The following QTGAL variants were observed in gnomAD, a reference collection of about 807,000 sequenced individuals.
The protein encoded by QTGAL is BGnT-like protein 1.
At chr17:83,038,817 C>T in the QTGAL span, among the ~76,000 whole-genome samples, 1 of 151,526 alleles carries the variant, frequency 6.6e-6, no homozygotes, top group Non-Finnish European at 1.5e-5. Flanking sequence ...CGAGATCGCG[C>T]CACCGCACTC....
the QTGAL span, among the ~76,000 whole-genome samples, chr17:83,019,423 A>C: frequency 1.3e-5 from 2 of 152,272 alleles, no homozygotes; most frequent in Non-Finnish European, 2.9e-5. Flanking sequence ...AAAAAACTAA[A>C]AGATATAAGA....
At chr17:82,992,939 G>T in the QTGAL span, among the ~76,000 whole-genome samples, 1 of 151,736 alleles carries the variant, frequency 6.6e-6, no homozygotes, top group Non-Finnish European at 1.5e-5. Context: ...TAAGCCTGGT[G>T]GTAACCTCAA....
chr17:83,050,408 C>G, the QTGAL span, among the ~76,000 whole-genome samples: 3 of 151,916 alleles, frequency 2.0e-5, no homozygotes, highest in Non-Finnish European at 4.4e-5. Flanking sequence ...AACGAGTTCC[C>G]TAATTTATTT....
the QTGAL span, chr17:82,956,911 T>C: frequency 2.8e-6 from 3 of 1,078,710 alleles, no homozygotes; most frequent in Admixed American, 2.0e-5. This position sits in a 1 kb window ranked among gnomAD's most constrained non-coding sequence, Gnocchi z 5.7. Context: ...GGTCACAGAC[T>C]GCGGCAGGTG....
chr17:82,960,720 C>T, the QTGAL span, among the ~76,000 whole-genome samples: 6 of 152,348 alleles, frequency 3.9e-5, no homozygotes, highest in East Asian at 1.9e-4. Flanking sequence ...CTGTGGTCCC[C>T]GCCGGACCCC....
the QTGAL span, among the ~76,000 whole-genome samples, chr17:82,996,791 G>A: frequency 6.6e-6 from 1 of 152,118 alleles, no homozygotes; most frequent in Non-Finnish European, 1.5e-5. Flanking sequence ...AACTTACATT[G>A]GGGAAGAGAT....
the QTGAL span, among the ~76,000 whole-genome samples, chr17:82,973,835 T>C: frequency 6.6e-6 from 1 of 152,154 alleles, no homozygotes; most frequent in Non-Finnish European, 1.5e-5. Flanking sequence ...TCTCAGGCAG[T>C]GGCCCCACAA....
the QTGAL span, chr17:83,005,937 A>C: frequency 8.1e-7 from 1 of 1,239,152 alleles, no homozygotes; most frequent in South Asian, 2.5e-5. This position sits in a 1 kb window ranked among gnomAD's most constrained non-coding sequence, Gnocchi z 5.6. Context: ...TCTGCTCCTG[A>C]GATCCAGAGG....
the QTGAL span, among the ~76,000 whole-genome samples, chr17:82,977,442 C>T: frequency 1.3e-5 from 2 of 151,934 alleles, no homozygotes; most frequent in Non-Finnish European, 2.9e-5. Flanking sequence ...GGGTGAGTAC[C>T]GTTATGTGAC....
At chr17:82,979,539 AT>A in the QTGAL span, 1 of 152,234 alleles carries the variant, frequency 6.6e-6, no homozygotes, top group East Asian at 1.9e-4. Flanking sequence ...CCTAAAACAA[AT>A]ACTTAGGTAT....
At chr17:83,013,248 C>G in the QTGAL span, among the ~76,000 whole-genome samples, 2 of 151,610 alleles carry the variant, frequency 1.3e-5, no homozygotes, top group African/African-American at 4.8e-5. Flanking sequence ...AAGGAGGCAA[C>G]CGTGTGGGGC....
At chr17:83,031,511 G>A in the QTGAL span, among the ~76,000 whole-genome samples, 1 of 152,260 alleles carries the variant, frequency 6.6e-6, no homozygotes, top group Admixed American at 6.5e-5. Context: ...CAGGACTGGC[G>A]CCACGTTTAG....
the QTGAL span, among the ~76,000 whole-genome samples, chr17:82,970,581 C>A: frequency 0.018 from 2,180 of 122,268 alleles, 289 homozygotes; most frequent in African/African-American, 0.062. Context: ...CCCGGCGTGG[C>A]CGCGACCTCC....
chr17:83,017,768 G>A, the QTGAL span, among the ~76,000 whole-genome samples: 2 of 151,910 alleles, frequency 1.3e-5, no homozygotes, highest in Admixed American at 6.6e-5. Flanking sequence ...CGTGAACATG[G>A]TGCGCCTGTA....
the QTGAL span, among the ~76,000 whole-genome samples, chr17:83,043,331 C>T: frequency 1.3e-5 from 2 of 152,084 alleles, no homozygotes; most frequent in Non-Finnish European, 2.9e-5. Context: ...TCTTCTCTGA[C>T]CACAGTGAAA....
the QTGAL span, among the ~76,000 whole-genome samples, chr17:82,965,343 C>T: frequency 2.0e-5 from 3 of 152,188 alleles, no homozygotes; most frequent in African/African-American, 4.8e-5. Flanking sequence ...CAAAAGCTTC[C>T]GTGTCCTGCG....
chr17:83,048,553 G>A, the QTGAL span: 3 of 1,613,946 alleles, frequency 1.9e-6, no homozygotes, highest in Non-Finnish European at 2.5e-6. Context: ...ATTTTTCAAT[G>A]ATAGCCCCAG....
the QTGAL span, among the ~76,000 whole-genome samples, chr17:82,987,108 G>A: frequency 6.6e-6 from 1 of 152,188 alleles, no homozygotes; most frequent in Non-Finnish European, 1.5e-5. Context: ...CCTGAAAAAT[G>A]TAGTTCTTGA....
At chr17:82,958,922 ATGG>A in the QTGAL span, among the ~76,000 whole-genome samples, 6 of 21,120 alleles carry the variant, frequency 2.8e-4, 1 homozygote, top group African/African-American at 1.1e-3. Context: ...GTGGGGGTGT[ATGG>A]TGTGTGTGTG....
Sources: allele counts gnomAD v4.1 joint callset (sites outside exome capture counted in the v4.1 genomes callset), GRCh38; gene constraint gnomAD v4.1.1; non-coding constraint Gnocchi (gnomAD v3.1); transcripts MANE v1.5; gene names NCBI Gene and HGNC (gene_info 2026-07-23, HGNC 2026-07-21).